Variants in FGGY observed in about 807,000 individuals in gnomAD.
FGGY encodes FGGY carbohydrate kinase domain-containing protein.
A neutral mutation model predicts 71.3 loss-of-function variants in FGGY; 72 were observed. The ratio of observed to expected loss-of-function variants is 1.01; its 90% CI spans 0.84 to 1.23. The LOEUF is 1.23. Ranked by LOEUF, FGGY falls within the 50% of genes most tolerant of loss-of-function variation. The pLI is 0.00. For missense variants in FGGY, 668 were observed against 682.3 expected (o/e 0.98, Z 0.23); for synonymous variants, 251 against 250.3 (o/e 1.00, Z -0.02).
chr1:59,313,918 T>C (rs558799534), intron 1 of FGGY, among the ~76,000 whole-genome samples: 5 of 152,208 alleles, frequency 3.3e-5, no homozygotes, highest in African/African-American at 1.2e-4. Context: ...AACTTACTCA[T>C]GTAACCGAAC....
intron 7 of FGGY, among the ~76,000 whole-genome samples, chr1:59,513,185 C>A (rs545603778): frequency 1.3e-5 from 2 of 152,280 alleles, no homozygotes; most frequent in South Asian, 4.1e-4. Context: ...TTCATTCTAA[C>A]AATGTTTTGT....
intron 5 of FGGY, among the ~76,000 whole-genome samples, chr1:59,449,120 C>G (rs1415745546): frequency 6.6e-6 from 1 of 152,164 alleles, no homozygotes; most frequent in African/African-American, 2.4e-5. Flanking sequence ...GTTCGAGTTG[C>G]CTTTCTAAAA....
intron 6 of FGGY, among the ~76,000 whole-genome samples, chr1:59,497,853 G>A (rs540634973): frequency 4.6e-5 from 7 of 152,208 alleles, no homozygotes; most frequent in South Asian, 2.1e-4. Context: ...TTCTGTCTTC[G>A]CGTTGTTTCA....
intron 14 of FGGY, among the ~76,000 whole-genome samples, chr1:59,723,917 C>T (rs190392307): frequency 1.3e-5 from 2 of 152,314 alleles, no homozygotes; most frequent in East Asian, 1.9e-4. Context: ...AATCCCAGCA[C>T]TTTGGGAGGC....
At chr1:59,571,974 G>T (rs530451422) in intron 8 of FGGY, among the ~76,000 whole-genome samples, 1 of 152,268 alleles carries the variant, frequency 6.6e-6, no homozygotes, top group African/African-American at 2.4e-5. Context: ...ACAAATATCA[G>T]GACACTGGTG....
chr1:59,523,560 T>C (rs778361288), intron 7 of FGGY, among the ~76,000 whole-genome samples: 3 of 152,210 alleles, frequency 2.0e-5, no homozygotes, highest in Non-Finnish European at 4.4e-5. Context: ...GAGCATTGCC[T>C]CAGTACACTC....
intron 14 of FGGY, chr1:59,733,109 C>G (rs2098057211): frequency 6.5e-6 from 1 of 153,564 alleles, no homozygotes. Context: ...CTGAGCTCCC[C>G]TGGAATTCCC....
intron 7 of FGGY, among the ~76,000 whole-genome samples, chr1:59,517,288 C>T (rs564517467): frequency 1.0e-5 from 1 of 96,890 alleles, no homozygotes; most frequent in Admixed American, 1.7e-4. Context: ...TTTTTTGAGA[C>T]GGAGTCTCGC....
At chr1:59,495,811 C>T (rs1015235490) in intron 6 of FGGY, among the ~76,000 whole-genome samples, 2 of 152,046 alleles carry the variant, frequency 1.3e-5, no homozygotes, top group African/African-American at 4.8e-5. Context: ...GGCTTTATTT[C>T]TGTGCTCTCT....
intron 14 of FGGY, among the ~76,000 whole-genome samples, chr1:59,735,933 G>C (rs1257886100): frequency 6.6e-6 from 1 of 152,130 alleles, no homozygotes; most frequent in Admixed American, 6.6e-5. Context: ...CCCTGATATG[G>C]TTTGGCTGTG....
intron 9 of FGGY, among the ~76,000 whole-genome samples, chr1:59,612,468 G>A (rs1398408100): frequency 4.6e-5 from 7 of 152,118 alleles, no homozygotes; most frequent in Non-Finnish European, 8.8e-5. Flanking sequence ...TCACCACCAG[G>A]CCTGCCCTAA....
At chr1:59,654,343 C>T (rs2097198693) in intron 11 of FGGY, among the ~76,000 whole-genome samples, 1 of 152,198 alleles carries the variant, frequency 6.6e-6, no homozygotes. Context: ...TGTCCATCAG[C>T]TCCACCTTCA....
chr1:59,483,851 C>T (rs1390008423), intron 6 of FGGY, among the ~76,000 whole-genome samples: 2 of 151,876 alleles, frequency 1.3e-5, no homozygotes, highest in Non-Finnish European at 2.9e-5. Flanking sequence ...CTTCTCTACT[C>T]CCACCCCTTC....
At chr1:59,446,275 G>T (rs1281611438) in intron 5 of FGGY, among the ~76,000 whole-genome samples, 1 of 152,028 alleles carries the variant, frequency 6.6e-6, no homozygotes, top group Non-Finnish European at 1.5e-5. Flanking sequence ...CTTTCTTTTG[G>T]TGGCATGGGA....
chr1:59,594,110 A>C (rs1478047813), intron 8 of FGGY, among the ~76,000 whole-genome samples: 1 of 152,156 alleles, frequency 6.6e-6, no homozygotes, highest in South Asian at 2.1e-4. Context: ...CAAATTGAGA[A>C]CCCAGCAACC....
chr1:59,629,071 TG>T (rs986966839), intron 10 of FGGY, among the ~76,000 whole-genome samples: 21 of 151,788 alleles, frequency 1.4e-4, no homozygotes, highest in East Asian at 7.7e-4. Flanking sequence ...TGTCGTGGGA[TG>T]GGGGGATAGG....
chr1:59,438,095 A>C (rs2068888592), intron 5 of FGGY, among the ~76,000 whole-genome samples: 1 of 152,218 alleles, frequency 6.6e-6, no homozygotes, highest in Non-Finnish European at 1.5e-5. Context: ...TATATGGGTC[A>C]GTTGCTGTGC....
At chr1:59,538,991 A>G (rs1393048766) in intron 7 of FGGY, among the ~76,000 whole-genome samples, 1 of 152,172 alleles carries the variant, frequency 6.6e-6, no homozygotes, top group South Asian at 2.1e-4. Flanking sequence ...AACTTAAAGT[A>G]TAATAATAAT....
At chr1:59,715,335 A>T (rs1353493402) in intron 14 of FGGY, among the ~76,000 whole-genome samples, 1 of 152,208 alleles carries the variant, frequency 6.6e-6, no homozygotes, top group African/African-American at 2.4e-5. Flanking sequence ...GTGAACATGA[A>T]TTCCACACCT....
Sources: gnomAD v4.1 joint callset for allele counts (sites outside exome capture counted in the v4.1 genomes callset) on GRCh38, gnomAD v4.1.1 for gene constraint, MANE v1.5 for transcripts, NCBI Gene and HGNC (gene_info 2026-07-23, HGNC 2026-07-21) for gene names.